Variants in SARS1 observed in about 807,000 individuals in gnomAD.
SARS1 encodes the protein seryl-tRNA synthetase 1, also known as serine--tRNA ligase, cytoplasmic.
Under a neutral mutation model 63.7 loss-of-function variants are expected in SARS1, and 25 were observed. That is an observed-to-expected ratio of 0.39 (90% confidence interval 0.29 to 0.55). The LOEUF is 0.55. SARS1 is among the 20% of genes least tolerant of loss of function. SARS1 has a pLI of 0.62. For missense variants in SARS1, 417 were observed against 649.7 expected (o/e 0.64, Z 3.89); for synonymous variants, 231 against 243.5 (o/e 0.95, Z 0.48).
At position 109,229,395 on chromosome 1, in the gene SARS1, CTG is replaced by C. The variant is rs1454532705; in HGVS notation, c.289-18_289-17del. The C allele has an allele frequency of 6.2e-7, 1 of 1,612,718 alleles. No homozygotes were observed. Reference sequence around the variant, plus strand: ...TTGCCTCACTGTCCTGCTTATGGGCCTGGCCTGTTCATCTGCAGAACCTGAAA... The same window carrying C: ...TTGCCTCACTGTCCTGCTTATGGGCCGCCTGTTCATCTGCAGAACCTGAAA... On this transcript the variant is annotated splice_polypyrimidine_tract_variant and intron_variant, in intron 3 of 10. Coordinates refer to ENST00000234677, the MANE Select transcript of SARS1 (RefSeq NM_006513.4).
chr1:109,236,560 C>T lies in SARS1; in HGVS notation c.1257+12C>T, dbSNP rs369558990. The T allele has an allele frequency of 8.8e-6, 14 of 1,596,516 alleles. No homozygotes were observed. In the African/African-American group the frequency reaches 1.7e-4, roughly 20 times the overall value. ...AGATGATGGACAAGGTAGATGGCCC[C>T]CAGGGAGGTGGGAAGCAGAGTCTTC... On this transcript the variant is annotated intron_variant, in intron 9 of 10. Coordinates refer to ENST00000234677, the MANE Select transcript of SARS1 (RefSeq NM_006513.4).
Position 109,231,804 on chromosome 1 carries a change from G to C in SARS1, c.747+18G>C. 1 of 1,494,540 alleles carries C rather than the reference G, an allele frequency of 6.7e-7. No individual in the cohort carries two copies. The highest frequency in any genetic ancestry group is 8.9e-7 in the Non-Finnish European group (1 of 1,121,844). 92.6% of individuals were successfully genotyped at this position (1,494,540 alleles called of 1,614,324 possible). ...TTTATAAGGTGAGTAGCCTGGGTCA[G>C]GTGACAGAATGACTTCTTAAGTTAT... On this transcript the variant is annotated intron_variant, in intron 6 of 10. Coordinates refer to ENST00000234677, the MANE Select transcript of SARS1 (RefSeq NM_006513.4).
At chr1:109,219,184 T>G (rs1403363965) in intron 1 of SARS1, among the ~76,000 whole-genome samples, 2 of 146,728 alleles carry the variant, frequency 1.4e-5, no homozygotes, top group Non-Finnish European at 3.0e-5. Flanking sequence ...GAGAATGGCA[T>G]GAACCCAGGA....
In SARS1 at chr1:109,220,746, C is replaced by T. The variant is rs568569061; in HGVS notation, c.137-3232C>T. ...TATTGACTTTTCTTCTGTGATTTGT[C>T]TATTGTGTTTCCAAAACACAATAGA... On this transcript the variant is annotated intron_variant, in intron 1 of 10. Transcript: ENST00000234677. Among the ~76,000 whole-genome samples, 496 of 152,070 alleles carry T rather than the reference C, an allele frequency of 3.3e-3. 2 individuals carry two copies. The highest frequency in any genetic ancestry group is 4.3e-3 in the Non-Finnish European group (291 of 67,978).
chr1:109,230,244 A>G (rs1655178982), intron 4 of SARS1, among the ~76,000 whole-genome samples: 1 of 152,084 alleles, frequency 6.6e-6, no homozygotes, highest in Admixed American at 6.6e-5. Context: ...GTCCTTGTGC[A>G]GGATTTGAGG....
At chr1:109,230,255 G>A (rs1235604578) in intron 4 of SARS1, among the ~76,000 whole-genome samples, 3 of 151,904 alleles carry the variant, frequency 2.0e-5, no homozygotes, top group Non-Finnish European at 4.4e-5. Flanking sequence ...GGATTTGAGG[G>A]GTAATTTAAA....
chr1:109,214,204 G>A lies in SARS1; in HGVS notation c.136+76G>A. On this transcript the variant is annotated intron_variant, in intron 1 of 10. Coordinates refer to ENST00000234677, the MANE Select transcript of SARS1 (RefSeq NM_006513.4). The surrounding 1 kb of genome is among the most constrained non-coding windows in gnomAD (Gnocchi z 4.6). ...TCTCTCAAATCCAGCCACCGCTCCT[G>A]AGGCCACAGCTTCCACCCTTCGTCA... The A allele has an allele frequency of 6.5e-7, 1 of 1,528,126 alleles. No homozygotes were observed. Among genetic ancestry groups the A allele is most frequent in the Non-Finnish European group, 8.9e-7 (1 of 1,126,430 alleles). The allele number at this position is 1,528,126 out of a possible 1,614,324, so 94.7% of individuals were successfully genotyped here.
chr1:109,235,515 G>GC lies in SARS1; in HGVS notation c.969+87dup, dbSNP rs1353215242. On this transcript the variant is annotated intron_variant, in intron 7 of 10. Coordinates refer to ENST00000234677, the MANE Select transcript of SARS1 (RefSeq NM_006513.4). The surrounding 1 kb of genome is among the most constrained non-coding windows in gnomAD (Gnocchi z 4.7). The stretch of plus-strand genomic sequence containing the variant: ...GAGAGATAGGATCTGTGTTGCTGAG[G>GC]CCCATCCTGGCTCCAGCTTTTCCTC... The GC allele has an allele frequency of 2.8e-6, 3 of 1,084,094 alleles. No homozygotes were observed. In the East Asian group the frequency reaches 7.6e-5, roughly 28 times the overall value. The allele number at this position is 1,084,094 out of a possible 1,614,324, so 67.2% of individuals were successfully genotyped here.
intron 2 of SARS1, among the ~76,000 whole-genome samples, chr1:109,224,948 C>CA (rs911720667): frequency 1.3e-5 from 2 of 151,846 alleles, no homozygotes. Flanking sequence ...TAAAATGAAA[C>CA]AAAAAAATTA....
At position 109,237,164 on chromosome 1, in the gene SARS1, T is replaced by C; in HGVS notation, c.1258-80T>C. 2.6e-6 allele frequency: 4 copies of C among 1,539,562 alleles called. No homozygotes were observed. Among genetic ancestry groups the C allele is most frequent in the Non-Finnish European group, 3.5e-6 (4 of 1,146,814 alleles). On this transcript the variant is annotated intron_variant, in intron 9 of 10. Coordinates refer to ENST00000234677, the MANE Select transcript of SARS1 (RefSeq NM_006513.4). This position sits in a 1 kb window ranked among gnomAD's most constrained non-coding sequence, Gnocchi z 4.1. ...GACAGTTGTGGTTGGGGAAGTCTGGTTGAATGGATGGTTCCTGGCCGTCAG... is the reference window on the plus strand; with the variant it reads ...GACAGTTGTGGTTGGGGAAGTCTGGCTGAATGGATGGTTCCTGGCCGTCAG...
In SARS1 at chr1:109,222,004, A is replaced by T. The variant is rs1557715436; in HGVS notation, c.137-1974A>T. On this transcript the variant is annotated intron_variant, in intron 1 of 10. Transcript: ENST00000234677. ...TATATATATATATATATATATATATATATATATTTTTTTTTTTTTTTTTTT... is the reference window on the plus strand; with the variant it reads ...TATATATATATATATATATATATATTTATATATTTTTTTTTTTTTTTTTTT... 2.0e-3 allele frequency among the ~76,000 whole-genome samples: 22 copies of T among 11,106 alleles called. 5 individuals are homozygous for T. Among genetic ancestry groups the T allele is most frequent in the East Asian group, 0.01 (2 of 194 alleles). The allele number at this position is 11,106 out of a possible 152,430, so 7.3% of individuals were successfully genotyped here.
intron 2 of SARS1, among the ~76,000 whole-genome samples, chr1:109,226,997 T>C (rs1655103837): frequency 7.6e-6 from 1 of 131,474 alleles, no homozygotes; most frequent in African/African-American, 3.5e-5. Context: ...CTTTAACTCT[T>C]TTTTTTTTTT....
chr1:109,236,746 T>C, intron 9 of SARS1, 198 bp downstream of exon 9: 1 of 1,540,380 alleles, frequency 6.5e-7, no homozygotes. Flanking sequence ...TGAATCTAGC[T>C]CTCTTCTATA....
intron 1 of SARS1, among the ~76,000 whole-genome samples, chr1:109,220,688 A>G (rs1410876731): frequency 1.3e-5 from 2 of 152,138 alleles, no homozygotes; most frequent in Non-Finnish European, 2.9e-5. Flanking sequence ...TCTTGTGATG[A>G]ATAGAAGTTC....
In SARS1 at chr1:109,236,467, G is replaced by A. The variant is rs1054706409; in HGVS notation, c.1176G>A (p.Leu392=). The change falls in exon 9 of 11, where the codon TTG becomes TTA. Residue 392 remains leucine, a synonymous_variant. Transcript: ENST00000234677. ...WFPGSGAFRE[L]VSCSNCTDYQ... ...CGGGCTCAGGAGCCTTCCGTGAGTTGGTCTCCTGTTCTAATTGCACGGATT... is the reference window on the plus strand; with the variant it reads ...CGGGCTCAGGAGCCTTCCGTGAGTTAGTCTCCTGTTCTAATTGCACGGATT... The A allele has an allele frequency of 1.4e-5, 22 of 1,606,862 alleles. No individual in the cohort carries two copies. Among genetic ancestry groups the A allele is most frequent in the Non-Finnish European group, 1.5e-5 (18 of 1,174,042 alleles).
chr1:109,234,072 T>C (rs1281306612), intron 6 of SARS1, among the ~76,000 whole-genome samples: 1 of 149,598 alleles, frequency 6.7e-6, no homozygotes, highest in Non-Finnish European at 1.5e-5. Context: ...AGAGATGGGG[T>C]TTTGTCATGT....
At chr1:109,228,126 T>G (rs1467189631) in intron 2 of SARS1, among the ~76,000 whole-genome samples, 1 of 152,158 alleles carries the variant, frequency 6.6e-6, no homozygotes, top group East Asian at 1.9e-4. Flanking sequence ...TTAATTGATT[T>G]TAGGATCAAA....
intron 8 of SARS1, 27 bp from the exon 9 acceptor site, chr1:109,236,364 A>G (rs373804192): frequency 2.5e-6 from 4 of 1,574,326 alleles, no homozygotes; most frequent in South Asian, 2.3e-5. Context: ...TCCCTCCTTC[A>G]TGAATTCTAG....
intron 5 of SARS1, 171 bp from the exon 6 acceptor site, chr1:109,231,460 G>A (rs1010491648): frequency 7.8e-5 from 36 of 463,708 alleles, no homozygotes; most frequent in Admixed American, 4.9e-4. Flanking sequence ...TGTTCAGAAC[G>A]AATCTCAAGG....
Sources: gnomAD v4.1 joint callset for allele counts (sites outside exome capture counted in the v4.1 genomes callset) on GRCh38, gnomAD v4.1.1 for gene constraint, Gnocchi (gnomAD v3.1) non-coding constraint, MANE v1.5 for transcripts, NCBI Gene and HGNC (gene_info 2026-07-23, HGNC 2026-07-21) for gene names.